The following UMAD1 variants were observed in gnomAD, a reference collection of about 807,000 sequenced individuals.
UMAD1 encodes UBAP1-MVB12-associated (UMA) domain containing 1, also known as UBAP1-MVB12-associated (UMA)-domain containing protein 1.
UMAD1 carries 8 observed loss-of-function variants against 6.1 expected under a neutral mutation model. That is an observed-to-expected ratio of 1.30 (90% confidence interval 0.76 to 2.35). The LOEUF (loss-of-function observed/expected upper bound fraction) is 2.35. Ranked by LOEUF, UMAD1 falls within the 30% of genes most tolerant of loss-of-function variation. UMAD1 has a pLI of 0.00. For missense variants in UMAD1, 130 were observed against 78.4 expected (o/e 1.66, Z -2.49); for synonymous variants, 56 against 31.4 (o/e 1.78, Z -2.61).
intron 1 of UMAD1, among the ~76,000 whole-genome samples, chr7:7,667,906 C>G (rs1026333377): frequency 1.6e-4 from 24 of 152,138 alleles, no homozygotes; most frequent in Non-Finnish European, 1.2e-4. Context: ...TGGACCAATA[C>G]TTAACCTAGT....
At chr7:7,785,870 G>A (rs1018331371) in intron 2 of UMAD1, among the ~76,000 whole-genome samples, 5 of 152,024 alleles carry the variant, frequency 3.3e-5, no homozygotes, top group Admixed American at 1.3e-4. Flanking sequence ...TTAGTTGGTG[G>A]GTTAAAGGAA....
chr7:7,723,012 G>A (rs1182041271), intron 2 of UMAD1, among the ~76,000 whole-genome samples: 1 of 147,296 alleles, frequency 6.8e-6, no homozygotes, highest in African/African-American at 2.5e-5. Context: ...GATAAACCCT[G>A]CACTGCCTGA....
Position 7,790,971 on chromosome 7 carries a change from A to G in UMAD1, c.83-10699A>G, listed in dbSNP as rs147302041. Among the ~76,000 whole-genome samples, 33 of 152,018 alleles carry G rather than the reference A, an allele frequency of 2.2e-4. No individual in the cohort carries two copies. The East Asian group carries it at 6.0e-3, about 28-fold the overall frequency. On this transcript the variant is annotated intron_variant, in intron 2 of 3. Coordinates refer to ENST00000682710, the MANE Select transcript of UMAD1 (RefSeq NM_001302348.2). ...AATGGTGCGATCTTGGCTCACTGCA[A>G]CCTCCGCCTCCCGGGCTCAAGCACT...
intron 1 of UMAD1, among the ~76,000 whole-genome samples, chr7:7,656,612 C>G (rs908541046): frequency 6.6e-6 from 1 of 152,096 alleles, no homozygotes; most frequent in Non-Finnish European, 1.5e-5. Flanking sequence ...TGATGGTTTC[C>G]AGCTTCATCC....
chr7:7,691,019 T>TGTAGA (rs1235163833), intron 2 of UMAD1, among the ~76,000 whole-genome samples: 11 of 152,350 alleles, frequency 7.2e-5, no homozygotes, highest in African/African-American at 2.6e-4. Context: ...CCTTGAAGCA[T>TGTAGA]GTAGAGCTCA....
At chr7:7,677,931 C>T (rs979669453) in intron 2 of UMAD1, among the ~76,000 whole-genome samples, 2 of 151,830 alleles carry the variant, frequency 1.3e-5, no homozygotes, top group Non-Finnish European at 2.9e-5. Context: ...CCTCGGCCTC[C>T]CAAAGTGCTG....
intron 3 of UMAD1, among the ~76,000 whole-genome samples, chr7:7,828,524 G>C (rs1169505183): frequency 6.6e-6 from 1 of 152,154 alleles, no homozygotes; most frequent in Non-Finnish European, 1.5e-5. Context: ...CTGGTCCCGA[G>C]CTTCTTGCGG....
chr7:7,653,614 C>T lies in UMAD1; in HGVS notation c.-64+12793C>T, dbSNP rs138795892. Among the ~76,000 whole-genome samples, 437 of 152,316 alleles carry T rather than the reference C, an allele frequency of 2.9e-3. 2 individuals carry two copies. Among genetic ancestry groups the T allele is most frequent in the Non-Finnish European group, 4.9e-3 (336 of 68,022 alleles). On this transcript the variant is annotated intron_variant, in intron 1 of 3. Transcript: ENST00000682710. Reference sequence around the variant, plus strand: ...CAACACATTTTTTATTATTCACTGTCATTGTTCACACTGAAGAAAAGGGCA... The same window carrying T: ...CAACACATTTTTTATTATTCACTGTTATTGTTCACACTGAAGAAAAGGGCA...
At chr7:7,743,175 G>T (rs773734215) in intron 2 of UMAD1, among the ~76,000 whole-genome samples, 2 of 152,080 alleles carry the variant, frequency 1.3e-5, no homozygotes, top group Non-Finnish European at 2.9e-5. Flanking sequence ...GGTGGTGCAG[G>T]ATGAAATTTA....
intron 2 of UMAD1, among the ~76,000 whole-genome samples, chr7:7,674,370 C>G (rs1779686587): frequency 6.6e-6 from 1 of 152,062 alleles, no homozygotes; most frequent in Non-Finnish European, 1.5e-5. Flanking sequence ...GGGATGTTTC[C>G]CTTAGATTTA....
chr7:7,866,526 T>C (rs994688554), intron 3 of UMAD1, among the ~76,000 whole-genome samples: 1 of 152,182 alleles, frequency 6.6e-6, no homozygotes, highest in Non-Finnish European at 1.5e-5. Flanking sequence ...TGTCTTAACT[T>C]AGGTTTAAGT....
chr7:7,702,966 T>C (rs1780499835), intron 2 of UMAD1, among the ~76,000 whole-genome samples: 1 of 152,258 alleles, frequency 6.6e-6, no homozygotes, highest in Non-Finnish European at 1.5e-5. Flanking sequence ...CCTGTTGTCG[T>C]GTAAACTTAT....
At chr7:7,758,099 G>A (rs2115227639) in intron 2 of UMAD1, among the ~76,000 whole-genome samples, 1 of 152,098 alleles carries the variant, frequency 6.6e-6, no homozygotes, top group Admixed American at 6.5e-5. Flanking sequence ...ATTAGAGACA[G>A]GGTTCTCCCT....
chr7:7,838,335 C>G (rs1430108391), intron 3 of UMAD1, among the ~76,000 whole-genome samples: 1 of 152,066 alleles, frequency 6.6e-6, no homozygotes, highest in Non-Finnish European at 1.5e-5. Context: ...TGAGGGAATA[C>G]ATGATTTGAG....
At chr7:7,847,056 TAAAAA>T (rs756458461) in intron 3 of UMAD1, among the ~76,000 whole-genome samples, 4,416 of 33,328 alleles carry the variant, frequency 0.13, 641 homozygotes, top group Non-Finnish European at 0.16. Context: ...TAGAGTATAA[TAAAAA>T]AAAAAAAAAA....
intron 2 of UMAD1, among the ~76,000 whole-genome samples, chr7:7,678,579 A>C (rs1779815227): frequency 7.3e-6 from 1 of 136,368 alleles, no homozygotes; most frequent in African/African-American, 2.7e-5. Context: ...TTTATAGATA[A>C]ATATATATTT....
intron 1 of UMAD1, among the ~76,000 whole-genome samples, chr7:7,647,218 A>G (rs906716403): frequency 6.6e-6 from 1 of 152,158 alleles, no homozygotes; most frequent in African/African-American, 2.4e-5. Flanking sequence ...GGTATTTTCT[A>G]GTTTTCAGCA....
At chr7:7,771,949 C>T (rs1182435701) in intron 2 of UMAD1, among the ~76,000 whole-genome samples, 1 of 151,820 alleles carries the variant, frequency 6.6e-6, no homozygotes, top group Non-Finnish European at 1.5e-5. Context: ...TATAGTGCTC[C>T]ATGCTTGTAG....
rs180738776 is a variant in UMAD1 at position 7,730,961 on chromosome 7, C to G, written c.82+57508C>G. On this transcript the variant is annotated intron_variant, in intron 2 of 3. Coordinates refer to ENST00000682710, the MANE Select transcript of UMAD1 (RefSeq NM_001302348.2). ...TGAGTTTTAAATGTGTTGAAAGTTCCTCCTGGGGGAAAGGAGTAAAATGAT... is the reference window on the plus strand; with the variant it reads ...TGAGTTTTAAATGTGTTGAAAGTTCGTCCTGGGGGAAAGGAGTAAAATGAT... Among the ~76,000 whole-genome samples the G allele has an allele frequency of 5.3e-5, 8 of 152,226 alleles. No homozygotes were observed. In the East Asian group the frequency reaches 1.5e-3, roughly 29 times the overall value.
Sources: allele counts gnomAD v4.1 joint callset (sites outside exome capture counted in the v4.1 genomes callset), GRCh38; gene constraint gnomAD v4.1.1; transcripts MANE v1.5; gene names NCBI Gene and HGNC (gene_info 2026-07-23, HGNC 2026-07-21).